ACAA1: variants seen among roughly 807,000 people sequenced by gnomAD.
ACAA1 encodes the protein 3-ketoacyl-CoA thiolase, peroxisomal.
ACAA1 carries 44 observed loss-of-function variants against 48.8 expected under a neutral mutation model. The observed-to-expected ratio is 0.90, with a 90% CI of 0.71 to 1.16. ACAA1 has a LOEUF of 1.16. Among genes scored for constraint, ACAA1 ranks in the 50% most tolerant of loss-of-function variants. The probability of loss-of-function intolerance (pLI) is 0.00; values close to 1 mark genes in which losing one functional copy is unlikely to be tolerated. For missense variants in ACAA1, 512 were observed against 562.3 expected (o/e 0.91, Z 0.90); for synonymous variants, 233 against 226.5 (o/e 1.03, Z -0.26).
chr3:38,133,897 G>A, intron 3 of ACAA1, 55 bp downstream of exon 3: 1 of 1,577,078 alleles, frequency 6.3e-7, no homozygotes. Context: ...CCTGGGGCCT[G>A]GGCCCAGTAA....
chr3:38,127,343 C>T (rs76876719), intron 7 of ACAA1, among the ~76,000 whole-genome samples: 2,494 of 152,244 alleles, frequency 0.016, 71 homozygotes, highest in African/African-American at 0.055. Context: ...GCTTTCCTCT[C>T]TGGACAGCCG....
rs1314175381 is a variant in ACAA1, at chr3:38,126,126, G to C, written c.997+36C>G. ...CATGCAGGGCAGCTGCAGGATCCAG[G>C]TGGGACCCAGATACTATATGAAGGA... On this transcript the variant is annotated intron_variant, in intron 9 of 11. Transcript: ENST00000333167. The surrounding 1 kb of genome is among the most constrained non-coding windows in gnomAD (Gnocchi z 4.7). 1 of 1,602,108 alleles carries C rather than the reference G, an allele frequency of 6.2e-7. No individual in the cohort carries two copies. The highest frequency in any genetic ancestry group is 2.2e-5 in the East Asian group (1 of 44,820).
rs927593975 is a variant in ACAA1, at chr3:38,137,018, T to C, written c.18A>G (p.Val6=). 3.2e-6 allele frequency: 5 copies of C among 1,567,026 alleles called. No homozygotes were observed. The African/African-American group carries it at 6.9e-5, about 22-fold the overall frequency. The stretch of plus-strand genomic sequence containing the variant: ...CCGGACCCCTCAGGTGGCCCAGCAC[T>C]ACCTGCAGCCTCTGCATTGCGCAGG... MQRLQ[V]VLGHLRGPAD... is the part of the protein sequence containing the mutation. The change falls in exon 1 of 12, where the codon GTA becomes GTG. Residue 6 remains valine, a synonymous_variant. Transcript: ENST00000333167.
intron 2 of ACAA1, 101 bp downstream of exon 2, chr3:38,136,476 AAGGTCAAGGCCATGG>A (rs1700894744): frequency 9.1e-7 from 1 of 1,101,218 alleles, no homozygotes; most frequent in Admixed American, 1.9e-5. Flanking sequence ...GACCCCTTCA[AAGGTCAAGGCCATGG>A]AGGTTCCCCC....
rs1354510760 is a variant in ACAA1 at position 38,132,023 on chromosome 3, A to T, written c.324-18T>A. On this transcript the variant is annotated intron_variant, in intron 3 of 11. Coordinates refer to ENST00000333167, the MANE Select transcript of ACAA1 (RefSeq NM_001607.4). The stretch of plus-strand genomic sequence containing the variant: ...GGATGTCACTGAAACAGAAGGTGAG[A>T]AAGTAGAATCAGCCCCCAATTCCAT... The T allele has an allele frequency of 3.1e-6, 5 of 1,605,996 alleles. No homozygotes were observed. The highest frequency in any genetic ancestry group is 4.3e-6 in the Non-Finnish European group (5 of 1,173,184).
chr3:38,135,891 G>A (rs1559480272), intron 2 of ACAA1, among the ~76,000 whole-genome samples: 1 of 152,150 alleles, frequency 6.6e-6, no homozygotes, highest in Non-Finnish European at 1.5e-5. Flanking sequence ...CGGGCTGGGG[G>A]ACTGTAAGGT....
At chr3:38,133,831 C>A in intron 3 of ACAA1, 121 bp downstream of exon 3, 1 of 971,000 alleles carries the variant, frequency 1.0e-6, no homozygotes, top group East Asian at 2.5e-5. Flanking sequence ...GCCAAGGACT[C>A]TCGTTGCCTC....
intron 2 of ACAA1, among the ~76,000 whole-genome samples, chr3:38,135,986 C>T (rs544039280): frequency 6.6e-6 from 1 of 152,296 alleles, no homozygotes; most frequent in South Asian, 2.1e-4. Flanking sequence ...GGCAGAGGTC[C>T]CTGCGGCCTT....
chr3:38,136,563 C>A, intron 2 of ACAA1, 29 bp downstream of exon 2: 1 of 1,613,002 alleles, frequency 6.2e-7, no homozygotes, highest in Non-Finnish European at 8.5e-7. Context: ...CGGGGAAGGC[C>A]CAGCGCAGGG....
In ACAA1 at chr3:38,127,886, TA is replaced by T. The variant is rs771353604; in HGVS notation, c.546-21del. 1 of 1,613,612 alleles carries T rather than the reference TA, an allele frequency of 6.2e-7. No individual in the cohort carries two copies. The highest frequency in any genetic ancestry group is 1.1e-5 in the South Asian group (1 of 91,058). On this transcript the variant is annotated intron_variant, in intron 6 of 11. Coordinates refer to ENST00000333167, the MANE Select transcript of ACAA1 (RefSeq NM_001607.4). ...GTTATCCTAGAACACAAACAGCAGA[TA>T]GTGTGGGCATTGGTCTGACAGCCTA... is the stretch of plus-strand genomic sequence containing the variant.
At position 38,125,903 on chromosome 3, in the gene ACAA1, G is replaced by A. The variant is rs774877637; in HGVS notation, c.998-22C>T. On this transcript the variant is annotated intron_variant, in intron 9 of 11. Transcript: ENST00000333167. ...AGCCCTGCAGACAAGGTAAAGACCT[G>A]AGCTGACACACTGGCCCTCTGCCTC... The A allele has an allele frequency of 2.2e-5, 36 of 1,614,086 alleles. 1 individual carries two copies. The South Asian group carries it at 3.5e-4, about 16-fold the overall frequency.
rs1285978227 is a variant in ACAA1, at chr3:38,129,468, C to T, written c.447-80G>A. ...CCTCCAGAGATAGCTGAACACTTGG[C>T]AAGTGCTAGGAAATAGCCAGGGAGC... On this transcript the variant is annotated intron_variant, in intron 5 of 11. Coordinates refer to ENST00000333167, the MANE Select transcript of ACAA1 (RefSeq NM_001607.4). The surrounding 1 kb of genome is among the most constrained non-coding windows in gnomAD (Gnocchi z 5.3). 1.7e-6 allele frequency: 2 copies of T among 1,174,062 alleles called. No homozygotes were observed. The highest frequency in any genetic ancestry group is 2.4e-5 in the East Asian group (1 of 41,934). The allele number at this position is 1,174,062 out of a possible 1,614,324, so 72.7% of individuals were successfully genotyped here.
rs1559477611 is a variant in ACAA1, at chr3:38,129,827, GCACTTTGGGAGGC to G, written c.447-452_447-440del. On this transcript the variant is annotated intron_variant, in intron 5 of 11. Transcript: ENST00000333167. The surrounding 1 kb of genome is among the most constrained non-coding windows in gnomAD (Gnocchi z 5.3). ...GTGGTGGCTCACGCCTGTAATCCCAGCACTTTGGGAGGCCAAGGCGGGCAGATCATGAGGCTAA... is the reference window on the plus strand; with the variant it reads ...GTGGTGGCTCACGCCTGTAATCCCAGCAAGGCGGGCAGATCATGAGGCTAA... Among the ~76,000 whole-genome samples the G allele has an allele frequency of 6.6e-6, 1 of 152,180 alleles. No homozygotes were observed. Among genetic ancestry groups the G allele is most frequent in the East Asian group, 1.9e-4 (1 of 5,188 alleles).
At chr3:38,130,722 CA>C (rs1191985463) in intron 5 of ACAA1, among the ~76,000 whole-genome samples, 1 of 152,258 alleles carries the variant, frequency 6.6e-6, no homozygotes, top group African/African-American at 2.4e-5. Context: ...AATCAAACGG[CA>C]GTGGCCTTTG....
At position 38,129,505 on chromosome 3, in the gene ACAA1, C is replaced by T. The variant is rs28370896; in HGVS notation, c.447-117G>A. 3.9e-6 allele frequency: 3 copies of T among 773,090 alleles called. No homozygotes were observed. Among genetic ancestry groups the T allele is most frequent in the Non-Finnish European group, 6.2e-6 (3 of 481,406 alleles). The allele number at this position is 773,090 out of a possible 1,614,324, so 47.9% of individuals were successfully genotyped here. ...AATAGCCAGGGAGCCCTAGGAAGACCAGTGGGCCTCTGGGAGTCACAGGCA... is the reference window on the plus strand; with the variant it reads ...AATAGCCAGGGAGCCCTAGGAAGACTAGTGGGCCTCTGGGAGTCACAGGCA... On this transcript the variant is annotated intron_variant, in intron 5 of 11. Coordinates refer to ENST00000333167, the MANE Select transcript of ACAA1 (RefSeq NM_001607.4). The surrounding 1 kb of genome is among the most constrained non-coding windows in gnomAD (Gnocchi z 5.3).
intron 6 of ACAA1, among the ~76,000 whole-genome samples, chr3:38,128,351 C>T (rs868569064): frequency 2.1e-4 from 32 of 152,330 alleles, no homozygotes; most frequent in South Asian, 4.1e-4. Flanking sequence ...TCCTGGTCAC[C>T]TTGGCTGGGG....
Position 38,137,047 on chromosome 3 carries a change from AC to A in ACAA1, c.-13del, listed in dbSNP as rs1413990339. Reference sequence around the variant, plus strand: ...TGCAGCCTCTGCATTGCGCAGGTCAACCCTGCAGACCAGCCACCAGTCCGGG... The same window carrying A: ...TGCAGCCTCTGCATTGCGCAGGTCAACCTGCAGACCAGCCACCAGTCCGGG... On this transcript the variant is annotated 5_prime_UTR_variant, in exon 1 of 12. An upstream open reading frame in the 5' UTR loses its in-frame stop. Coordinates refer to ENST00000333167, the MANE Select transcript of ACAA1 (RefSeq NM_001607.4). 6.5e-7 allele frequency: 1 copy of A among 1,544,368 alleles called. No homozygotes were observed. Among genetic ancestry groups the A allele is most frequent in the Non-Finnish European group, 8.7e-7 (1 of 1,148,840 alleles).
chr3:38,129,000 G>A (rs1239504007), intron 6 of ACAA1, among the ~76,000 whole-genome samples: 2 of 152,188 alleles, frequency 1.3e-5, no homozygotes, highest in Non-Finnish European at 2.9e-5. Flanking sequence ...GGCCCCCAAG[G>A]CTTTGGAGTG....
At position 38,123,068 on chromosome 3, in the gene ACAA1, G is replaced by A. The variant is rs754553943; in HGVS notation, c.1254C>T (p.Val418=). ...CIGTGMGAAA[V]FEYPGN ...TCACTCAGTTCCCAGGGTATTCAAA[G>A]ACGGCAGCGGCTCCCATTCCAGTCC... Residue 418 remains valine (V), a synonymous_variant, in exon 12 of 12, where the codon GTC becomes GTT. Coordinates refer to ENST00000333167, the MANE Select transcript of ACAA1 (RefSeq NM_001607.4). The A allele has an allele frequency of 3.7e-6, 6 of 1,614,152 alleles. No homozygotes were observed. The highest frequency in any genetic ancestry group is 3.4e-6 in the Non-Finnish European group (4 of 1,180,034).
Sources: gnomAD v4.1 joint callset for allele counts (sites outside exome capture counted in the v4.1 genomes callset) on GRCh38, gnomAD v4.1.1 for gene constraint, Gnocchi (gnomAD v3.1) non-coding constraint, MANE v1.5 for transcripts, NCBI Gene and HGNC (gene_info 2026-07-23, HGNC 2026-07-21) for gene names.